The following BNIP1 variants were observed in gnomAD, a reference collection of about 807,000 sequenced individuals.
BNIP1 encodes the protein BCL2 interacting protein 1.
Under a neutral mutation model 28.5 loss-of-function variants are expected in BNIP1, and 25 were observed. The ratio of observed to expected loss-of-function variants is 0.88; its 90% CI spans 0.64 to 1.23. The LOEUF is 1.23. Ranked by LOEUF, BNIP1 falls within the 50% of genes most tolerant of loss-of-function variation. The probability of loss-of-function intolerance (pLI) is 0.00; values close to 1 mark genes in which losing one functional copy is unlikely to be tolerated. For synonymous variants in BNIP1, 118 were observed against 101.7 expected (o/e 1.16, Z -0.96); for missense variants, 276 against 277.0 (o/e 1.00, Z 0.02).
chr5:173,157,926 G>GT (rs1173336773), intron 3 of BNIP1, among the ~76,000 whole-genome samples: 1,614 of 138,154 alleles, frequency 0.012, 21 homozygotes, highest in African/African-American at 0.031. Flanking sequence ...GTGTGTGTGT[G>GT]TTTTTTTTTT....
chr5:173,144,992 T>A, intron 1 of BNIP1: 1 of 192,458 alleles, frequency 5.2e-6, no homozygotes, highest in Non-Finnish European at 1.1e-5. Flanking sequence ...CCTCTGACGC[T>A]GCTTCAGCAT....
At chr5:173,160,972 A>T (rs2113861320) in intron 5 of BNIP1, 1 of 401,880 alleles carries the variant, frequency 2.5e-6, no homozygotes, top group Non-Finnish European at 4.9e-6. Context: ...CAACAGAAAA[A>T]GGGCGTTTAC....
intron 1 of BNIP1, among the ~76,000 whole-genome samples, chr5:173,145,754 G>C (rs1339499552): frequency 6.6e-6 from 1 of 152,204 alleles, no homozygotes; most frequent in Admixed American, 6.5e-5. Flanking sequence ...CTAAACATTA[G>C]ATGTAGACTC....
chr5:173,148,468 A>G (rs1759930126), intron 2 of BNIP1, among the ~76,000 whole-genome samples: 1 of 152,072 alleles, frequency 6.6e-6, no homozygotes, highest in Non-Finnish European at 1.5e-5. Flanking sequence ...AGGGGCCCAC[A>G]GCAGCCCCTC....
At chr5:173,153,328 C>T (rs1412288161) in intron 2 of BNIP1, among the ~76,000 whole-genome samples, 5 of 151,728 alleles carry the variant, frequency 3.3e-5, no homozygotes, top group African/African-American at 7.3e-5. Flanking sequence ...CCCGGGTTCA[C>T]GCCATTCTCC....
intron 5 of BNIP1, among the ~76,000 whole-genome samples, chr5:173,160,514 G>A (rs957678232): frequency 3.3e-5 from 5 of 152,164 alleles, no homozygotes; most frequent in African/African-American, 4.8e-5. Context: ...GATTATAGGC[G>A]TGAGATGCCA....
In BNIP1 at chr5:173,164,086, G is replaced by A; in HGVS notation, c.*165G>A. On this transcript the variant is annotated 3_prime_UTR_variant, in exon 6 of 6. Transcript: ENST00000351486. The surrounding 1 kb of genome is among the most constrained non-coding windows in gnomAD (Gnocchi z 4.0). ...CCACTTTTCTGCAAGTAGCTGGCTT[G>A]TAAAGGGTGAACAGAGCCATGGGAG... The A allele has an allele frequency of 1.5e-6, 1 of 653,080 alleles. No homozygotes were observed. Among genetic ancestry groups the A allele is most frequent in the East Asian group, 3.0e-5 (1 of 33,378 alleles). 40.5% of individuals were successfully genotyped at this position (653,080 alleles called of 1,614,324 possible).
chr5:173,144,766 C>A lies in BNIP1; in HGVS notation c.84+137C>A, dbSNP rs1759782385. 13 of 845,686 alleles carry A rather than the reference C, an allele frequency of 1.5e-5. 1 individual carries two copies. Among genetic ancestry groups the A allele is most frequent in the Admixed American group, 8.2e-5 (3 of 36,432 alleles). 52.4% of individuals were successfully genotyped at this position (845,686 alleles called of 1,614,324 possible). ...CAGGCTCCGCCCCATGGTCGGCTAC[C>A]CCCCCGGTCCCCATTTGGTTGTGTC... On this transcript the variant is annotated intron_variant, in intron 1 of 5. Transcript: ENST00000351486.
Position 173,146,898 on chromosome 5 carries a change from T to C in BNIP1, c.117T>C (p.Ala39=). 1 of 1,614,064 alleles carries C rather than the reference T, an allele frequency of 6.2e-7. No individual in the cohort carries two copies. Among genetic ancestry groups the C allele is most frequent in the Non-Finnish European group, 8.5e-7 (1 of 1,179,950 alleles). Reference sequence around the variant, plus strand: ...GTGATTGTTCAGGACCCTTAAGTGCTCTTACTGAACTGAATACTAAAGTAA... The same window carrying C: ...GTGATTGTTCAGGACCCTTAAGTGCCCTTACTGAACTGAATACTAAAGTAA... The part of the protein sequence containing the change: ...DIRDCSGPLS[A]LTELNTKVKE... The change falls in exon 2 of 6, where the codon GCT becomes GCC. Residue 39 remains alanine, a synonymous_variant. Transcript: ENST00000351486.
intron 2 of BNIP1, among the ~76,000 whole-genome samples, chr5:173,151,139 C>G (rs1561594923): frequency 6.6e-6 from 1 of 151,600 alleles, no homozygotes; most frequent in Non-Finnish European, 1.5e-5. Context: ...CCGGTCAAAA[C>G]TTATACTGTT....
chr5:173,154,521 T>C, intron 3 of BNIP1, 108 bp downstream of exon 3: 1 of 800,542 alleles, frequency 1.2e-6, no homozygotes, highest in Non-Finnish European at 1.9e-6. Context: ...GACTTAATGG[T>C]GTCTTTTTTT....
At position 173,144,560 on chromosome 5, in the gene BNIP1, A is replaced by G. The variant is rs1030443867; in HGVS notation, c.15A>G (p.Gln5=). MAAP[Q]DVHVRICNQE... is the part of the protein sequence containing the mutation. ...GCGTCCCCAACATGGCGGCTCCCCAAGACGTCCACGTCCGGATCTGTAACC... is the reference window on the plus strand; with the variant it reads ...GCGTCCCCAACATGGCGGCTCCCCAGGACGTCCACGTCCGGATCTGTAACC... The change falls in exon 1 of 6, where the codon CAA becomes CAG. Residue 5 remains glutamine, a synonymous_variant. Coordinates refer to ENST00000351486, the MANE Select transcript of BNIP1 (RefSeq NM_001205.3). The G allele has an allele frequency of 1.9e-6, 3 of 1,614,138 alleles. No homozygotes were observed. Among genetic ancestry groups the G allele is most frequent in the Non-Finnish European group, 2.5e-6 (3 of 1,179,970 alleles).
chr5:173,154,169 A>G (rs1012618671), intron 2 of BNIP1, among the ~76,000 whole-genome samples, 153 bp from the exon 3 acceptor site: 1 of 152,096 alleles, frequency 6.6e-6, no homozygotes, highest in Non-Finnish European at 1.5e-5. Context: ...ATTTAAAAGG[A>G]TGTGTGTTAT....
At chr5:173,149,075 C>T (rs922262899) in intron 2 of BNIP1, among the ~76,000 whole-genome samples, 2 of 152,122 alleles carry the variant, frequency 1.3e-5, no homozygotes, top group Admixed American at 6.6e-5. Context: ...GGAAACATGC[C>T]TGCTCCTCTA....
rs5745158 is a variant in BNIP1 at position 173,158,495 on chromosome 5, G to A, written c.270-249G>A. Among the ~76,000 whole-genome samples the A allele has an allele frequency of 2.2e-3, 334 of 152,312 alleles. 1 individual carries two copies. The highest frequency in any genetic ancestry group is 6.8e-3 in the Middle Eastern group (2 of 294). On this transcript the variant is annotated intron_variant, in intron 3 of 5. Coordinates refer to ENST00000351486, the MANE Select transcript of BNIP1 (RefSeq NM_001205.3). ...CATGTTCACAGCCCCTTGGGCTGAC[G>A]GGGGCAGAGTGACAGCAACAGAGCC...
intron 3 of BNIP1, among the ~76,000 whole-genome samples, chr5:173,157,563 C>T (rs992561350): frequency 3.9e-5 from 6 of 152,012 alleles, no homozygotes; most frequent in African/African-American, 7.3e-5. Context: ...TACAGGCACT[C>T]GCCATCATGT....
chr5:173,146,856 T>C lies in BNIP1; in HGVS notation c.85-10T>C, dbSNP rs1759850796. On this transcript the variant is annotated splice_polypyrimidine_tract_variant and intron_variant, in intron 1 of 5. Transcript: ENST00000351486. ...TGAGAAAGGCCTTTCATCTGTTCAA[T>C]GTCTCCTAGGATATCCGTGATTGTT... 6.2e-7 allele frequency: 1 copy of C among 1,606,078 alleles called. No homozygotes were observed. Among genetic ancestry groups the C allele is most frequent in the South Asian group, 1.1e-5 (1 of 90,920 alleles).
chr5:173,150,938 C>T (rs112093694), intron 2 of BNIP1, among the ~76,000 whole-genome samples: 6 of 151,958 alleles, frequency 3.9e-5, no homozygotes, highest in African/African-American at 7.2e-5. Context: ...TGGGTTCAAG[C>T]GATTCTCCTG....
intron 1 of BNIP1, among the ~76,000 whole-genome samples, chr5:173,146,072 A>G (rs762467278): frequency 6.6e-6 from 1 of 152,158 alleles, no homozygotes; most frequent in Non-Finnish European, 1.5e-5. Context: ...TCTTTCTAAC[A>G]TTTGGGTTCT....
Sources: gnomAD v4.1 joint callset for allele counts (sites outside exome capture counted in the v4.1 genomes callset) on GRCh38, gnomAD v4.1.1 for gene constraint, Gnocchi (gnomAD v3.1) non-coding constraint, MANE v1.5 for transcripts, NCBI Gene and HGNC (gene_info 2026-07-23, HGNC 2026-07-21) for gene names.